The following COG5 variants were observed in gnomAD, a reference collection of about 807,000 sequenced individuals.
The protein encoded by COG5 is conserved oligomeric Golgi complex subunit 5.
In COG5, 86 loss-of-function variants were observed where a neutral mutation model predicts 110.4. The ratio of observed to expected loss-of-function variants is 0.78; its 90% CI spans 0.65 to 0.93. The LOEUF is 0.93. Ranked by LOEUF, COG5 falls within the 40% of genes least tolerant of loss-of-function variation. COG5 has a pLI of 0.00. For missense variants in COG5, 1,077 were observed against 987.0 expected (o/e 1.09, Z -1.22); for synonymous variants, 360 against 334.6 (o/e 1.08, Z -0.83).
In COG5 at chr7:107,511,504, C is replaced by T. The variant is rs920511815; in HGVS notation, c.538+15733G>A. 6.6e-5 allele frequency among the ~76,000 whole-genome samples: 10 copies of T among 152,252 alleles called. 3 individuals are homozygous for T. Among genetic ancestry groups the T allele is most frequent in the African/African-American group, 2.4e-4 (10 of 41,538 alleles). On this transcript the variant is annotated intron_variant, in intron 6 of 21. Coordinates refer to ENST00000297135, the MANE Select transcript of COG5 (RefSeq NM_006348.5). ...GGTACCATTCCTTCTGAAACTATTC[C>T]AATCAATAGAAAAAGAGGGAATCCT... is the stretch of plus-strand genomic sequence containing the variant.
At chr7:107,211,016 A>G (rs1455590621) in intron 20 of COG5, 83 bp downstream of exon 20, 4 of 1,483,546 alleles carry the variant, frequency 2.7e-6, no homozygotes, top group Non-Finnish European at 2.8e-6. Flanking sequence ...AGGGCCAGGA[A>G]TCATTCAGTG....
chr7:107,517,229 G>A (rs1799984809), intron 6 of COG5, among the ~76,000 whole-genome samples: 1 of 151,968 alleles, frequency 6.6e-6, no homozygotes, highest in African/African-American at 2.4e-5. Context: ...TAGATCAAGT[G>A]GAAGAAAGGA....
intron 14 of COG5, among the ~76,000 whole-genome samples, chr7:107,279,468 C>T (rs910339242): frequency 2.6e-5 from 4 of 152,060 alleles, no homozygotes; most frequent in African/African-American, 9.7e-5. Context: ...TAAAGACTTA[C>T]AATTTGGCTA....
intron 6 of COG5, among the ~76,000 whole-genome samples, chr7:107,416,370 CAT>C (rs756833221): frequency 1.4e-3 from 213 of 151,964 alleles, no homozygotes; most frequent in Non-Finnish European, 5.6e-4. Flanking sequence ...ATCTCAATAA[CAT>C]AATGTTAAGG....
chr7:107,227,938 T>C (rs1405788492), intron 19 of COG5, among the ~76,000 whole-genome samples: 2 of 152,118 alleles, frequency 1.3e-5, no homozygotes, highest in African/African-American at 4.8e-5. Flanking sequence ...TAGCATTATT[T>C]TATACATGCA....
At chr7:107,226,406 C>A (rs78650254) in intron 19 of COG5, among the ~76,000 whole-genome samples, 4,834 of 152,230 alleles carry the variant, frequency 0.032, 245 homozygotes, top group African/African-American at 0.11. Flanking sequence ...GCTCAGGACT[C>A]ATTTTAAAGA....
intron 12 of COG5, among the ~76,000 whole-genome samples, chr7:107,288,139 G>A (rs1035348307): frequency 1.3e-5 from 2 of 152,140 alleles, no homozygotes; most frequent in Non-Finnish European, 2.9e-5. Context: ...TGAGGCAGGA[G>A]GATCCCTTGA....
chr7:107,483,485 C>T (rs1327223627), intron 6 of COG5, among the ~76,000 whole-genome samples: 1 of 152,164 alleles, frequency 6.6e-6, no homozygotes, highest in Admixed American at 6.5e-5. Flanking sequence ...GTGGGTGGAT[C>T]ACCTGAGGTT....
At chr7:107,528,570 G>A (rs1800946406) in intron 5 of COG5, among the ~76,000 whole-genome samples, 1 of 152,162 alleles carries the variant, frequency 6.6e-6, no homozygotes, top group Non-Finnish European at 1.5e-5. Flanking sequence ...CACAGCAGTT[G>A]CATGAGGGAG....
chr7:107,251,130 A>G (rs1197129346), intron 16 of COG5, among the ~76,000 whole-genome samples: 1 of 143,278 alleles, frequency 7.0e-6, no homozygotes, highest in Non-Finnish European at 1.5e-5. Context: ...TCTTGAAACT[A>G]GCCAAAAAAA....
chr7:107,453,759 A>T lies in COG5; in HGVS notation c.539-41127T>A, dbSNP rs1287701339. Among the ~76,000 whole-genome samples, 5 of 152,200 alleles carry T rather than the reference A, an allele frequency of 3.3e-5. No homozygotes were observed. The East Asian group carries it at 9.6e-4, about 29-fold the overall frequency. On this transcript the variant is annotated intron_variant, in intron 6 of 21. Coordinates refer to ENST00000297135, the MANE Select transcript of COG5 (RefSeq NM_006348.5). ...TAGTATAAGAGTTCATTTGTGATTC[A>T]AAAGATTCAAATACTTAACACAGCT...
chr7:107,541,496 C>CAAAAAA (rs869244428), intron 5 of COG5, among the ~76,000 whole-genome samples: 13 of 31,952 alleles, frequency 4.1e-4, no homozygotes, highest in Admixed American at 6.0e-4. Flanking sequence ...GACCCTGTCT[C>CAAAAAA]AAAAAAAAAA....
chr7:107,317,453 A>T (rs1249080274), intron 11 of COG5, among the ~76,000 whole-genome samples: 1 of 152,206 alleles, frequency 6.6e-6, no homozygotes, highest in Non-Finnish European at 1.5e-5. Context: ...GTTTAGAGGG[A>T]ACATCCTGTT....
In COG5 at chr7:107,201,588, G is replaced by A; in HGVS notation, c.*1928C>T. ...TGAAATGATTTAATAATATGAGTGAGGATTTGCTTTCTCCATTAGAGCATT... is the reference window on the plus strand; with the variant it reads ...TGAAATGATTTAATAATATGAGTGAAGATTTGCTTTCTCCATTAGAGCATT... On this transcript the variant is annotated 3_prime_UTR_variant, in exon 22 of 22. Transcript: ENST00000297135. 2.2e-6 allele frequency: 1 copy of A among 456,568 alleles called. No individual in the cohort carries two copies. 28.3% of individuals were successfully genotyped at this position (456,568 alleles called of 1,614,324 possible). A position where few individuals can be genotyped will look rare whatever the true frequency, so the allele number is the denominator to read the frequency against.
chr7:107,381,365 G>A lies in COG5; in HGVS notation c.670-8605C>T, dbSNP rs1392379880. On this transcript the variant is annotated intron_variant, in intron 7 of 21. Transcript: ENST00000297135. The stretch of plus-strand genomic sequence containing the variant: ...AGCTACATGGGATTGCCAAAATGAT[G>A]TTCAGTCTTCTTTAGGTTATATTTT... 2.0e-5 allele frequency among the ~76,000 whole-genome samples: 3 copies of A among 152,110 alleles called. No individual in the cohort carries two copies. The East Asian group carries it at 5.8e-4, about 29-fold the overall frequency.
At chr7:107,401,858 T>C (rs1268439662) in intron 7 of COG5, among the ~76,000 whole-genome samples, 1 of 152,228 alleles carries the variant, frequency 6.6e-6, no homozygotes, top group African/African-American at 2.4e-5. Context: ...AATTGCTTGC[T>C]GCCTGCAGAA....
chr7:107,395,977 A>G (rs1197532174), intron 7 of COG5, among the ~76,000 whole-genome samples: 4 of 152,254 alleles, frequency 2.6e-5, no homozygotes, highest in African/African-American at 9.6e-5. Flanking sequence ...ACAATCATTG[A>G]GAAATTATAA....
At chr7:107,327,594 C>T (rs1390029044) in intron 10 of COG5, among the ~76,000 whole-genome samples, 2 of 151,926 alleles carry the variant, frequency 1.3e-5, no homozygotes, top group Non-Finnish European at 2.9e-5. Flanking sequence ...GACAATTCAA[C>T]AATTAAAAAA....
intron 10 of COG5, among the ~76,000 whole-genome samples, chr7:107,338,052 C>A (rs1810854217): frequency 6.6e-6 from 1 of 151,960 alleles, no homozygotes; most frequent in African/African-American, 2.4e-5. Context: ...CAACAAAAAC[C>A]CACATTTTTG....
Sources: gnomAD v4.1 joint callset for allele counts (sites outside exome capture counted in the v4.1 genomes callset) on GRCh38, gnomAD v4.1.1 for gene constraint, MANE v1.5 for transcripts, NCBI Gene and HGNC (gene_info 2026-07-23, HGNC 2026-07-21) for gene names.